MLLT3: variants seen among roughly 807,000 people sequenced by gnomAD.
MLLT3 encodes the protein protein AF-9.
MLLT3 carries 4 observed loss-of-function variants against 53.2 expected under a neutral mutation model. The observed-to-expected ratio is 0.08, with a 90% CI of 0.04 to 0.17. The LOEUF (loss-of-function observed/expected upper bound fraction) is 0.17. Among genes scored for constraint, MLLT3 ranks in the 10% least tolerant of loss-of-function variants. The probability of loss-of-function intolerance (pLI) is 1.00; values close to 1 mark genes in which losing one functional copy is unlikely to be tolerated. For missense variants in MLLT3, 569 were observed against 684.0 expected (o/e 0.83, Z 1.87); for synonymous variants, 283 against 230.6 (o/e 1.23, Z -2.06).
intron 4 of MLLT3, among the ~76,000 whole-genome samples, chr9:20,435,528 CA>C (rs937512495): frequency 2.0e-5 from 3 of 152,066 alleles, no homozygotes; most frequent in Admixed American, 6.6e-5. Context: ...TCAAATACTT[CA>C]AAATGAAAAG....
At chr9:20,564,914 G>C (rs2131156238) in intron 2 of MLLT3, among the ~76,000 whole-genome samples, 1 of 152,224 alleles carries the variant, frequency 6.6e-6, no homozygotes. Context: ...AGTCAGGGGA[G>C]AAATACCACA....
chr9:20,569,276 A>G (rs1017019225), intron 2 of MLLT3, among the ~76,000 whole-genome samples: 2 of 152,150 alleles, frequency 1.3e-5, no homozygotes, highest in African/African-American at 2.4e-5. Flanking sequence ...CCCATTTTAT[A>G]AAAACTGAGA....
At chr9:20,439,807 A>G (rs145753235) in intron 4 of MLLT3, among the ~76,000 whole-genome samples, 1 of 152,316 alleles carries the variant, frequency 6.6e-6, no homozygotes, top group Non-Finnish European at 1.5e-5. Flanking sequence ...AAATACTGAC[A>G]GAGGTTATAG....
At chr9:20,425,821 A>G (rs1823126760) in intron 4 of MLLT3, among the ~76,000 whole-genome samples, 1 of 151,998 alleles carries the variant, frequency 6.6e-6, no homozygotes, top group African/African-American at 2.4e-5. Flanking sequence ...ATAAGTAGTA[A>G]ATTTTCATTT....
At chr9:20,370,228 C>T (rs193023294) in intron 5 of MLLT3, among the ~76,000 whole-genome samples, 1 of 152,300 alleles carries the variant, frequency 6.6e-6, no homozygotes, top group East Asian at 1.9e-4. Context: ...ATCCTTGCAA[C>T]ATTTCAAACT....
intron 2 of MLLT3, among the ~76,000 whole-genome samples, chr9:20,523,145 G>A (rs1424472558): frequency 6.6e-6 from 1 of 152,102 alleles, no homozygotes; most frequent in Non-Finnish European, 1.5e-5. Context: ...CTGTCATCAA[G>A]GAAATGCAAA....
intron 5 of MLLT3, among the ~76,000 whole-genome samples, chr9:20,375,757 T>C (rs60068356): frequency 0.2 from 29,671 of 151,510 alleles, 7,256 homozygotes; most frequent in African/African-American, 0.57. Context: ...CACAGGCACC[T>C]GCCACCACGC....
chr9:20,577,369 C>T (rs1185962070), intron 2 of MLLT3, among the ~76,000 whole-genome samples: 3 of 152,096 alleles, frequency 2.0e-5, no homozygotes, highest in Non-Finnish European at 2.9e-5. Flanking sequence ...AAAGTTTGAT[C>T]CAGGAGTATA....
chr9:20,363,975 G>A (rs942360276), intron 6 of MLLT3, among the ~76,000 whole-genome samples: 1 of 152,176 alleles, frequency 6.6e-6, no homozygotes, highest in African/African-American at 2.4e-5. Flanking sequence ...AATCACTGTG[G>A]TTGTAACTTG....
intron 2 of MLLT3, among the ~76,000 whole-genome samples, chr9:20,504,998 G>GA (rs1825349543): frequency 6.6e-6 from 1 of 151,774 alleles, no homozygotes; most frequent in South Asian, 2.1e-4. Flanking sequence ...AAGTTCAGGT[G>GA]AAAAAAAAGA....
chr9:20,553,848 C>T (rs1415328253), intron 2 of MLLT3, among the ~76,000 whole-genome samples: 1 of 150,410 alleles, frequency 6.6e-6, no homozygotes, highest in African/African-American at 2.4e-5. Context: ...TTTTAATTTA[C>T]AATTCACAAA....
Position 20,448,068 on chromosome 9 carries a change from TTTTG to T in MLLT3, c.420+51_420+54del. 3.2e-6 allele frequency: 5 copies of T among 1,562,202 alleles called. No homozygotes were observed. The highest frequency in any genetic ancestry group is 4.3e-6 in the Non-Finnish European group (5 of 1,156,706). On this transcript the variant is annotated intron_variant, in intron 4 of 10. Transcript: ENST00000380338. This position sits in a 1 kb window ranked among gnomAD's most constrained non-coding sequence, Gnocchi z 4.0. ...GAGGAACTAGTTTGTTTGTTTTTTT[TTTTG>T]TTGTTGTTGTTTTTTAATAGGAATG...
rs776586293 is a variant in MLLT3, at chr9:20,495,580, A to G, written c.194-38794T>C. Among the ~76,000 whole-genome samples the G allele has an allele frequency of 8.5e-5, 13 of 152,306 alleles. No homozygotes were observed. The Middle Eastern group carries it at 0.017, about 199-fold the overall frequency. On this transcript the variant is annotated intron_variant, in intron 2 of 10. Transcript: ENST00000380338. The stretch of plus-strand genomic sequence containing the variant: ...TAGAAAACGTGTGTGGCTGATGCTC[A>G]GTGCCTATTAACAGCGTTTTCATTA...
intron 2 of MLLT3, among the ~76,000 whole-genome samples, chr9:20,479,342 T>C (rs976553371): frequency 6.6e-6 from 1 of 152,156 alleles, no homozygotes; most frequent in Non-Finnish European, 1.5e-5. Flanking sequence ...ATTTCTCTAA[T>C]TAATTTGCTT....
chr9:20,546,254 C>A (rs1818785959), intron 2 of MLLT3, among the ~76,000 whole-genome samples: 1 of 152,094 alleles, frequency 6.6e-6, no homozygotes, highest in South Asian at 2.1e-4. Context: ...ACAATCTACA[C>A]ATGTAATTTA....
chr9:20,587,252 A>G (rs1819995600), intron 2 of MLLT3, among the ~76,000 whole-genome samples: 3 of 152,198 alleles, frequency 2.0e-5, no homozygotes, highest in South Asian at 2.1e-4. Flanking sequence ...AAAGAAACCA[A>G]TAAGACACAA....
intron 2 of MLLT3, among the ~76,000 whole-genome samples, chr9:20,521,365 C>A (rs1405866185): frequency 2.6e-5 from 4 of 152,072 alleles, no homozygotes; most frequent in African/African-American, 9.7e-5. Context: ...GCCACTGCAC[C>A]CAGCCTAAGC....
intron 2 of MLLT3, among the ~76,000 whole-genome samples, chr9:20,541,601 T>C (rs1036766582): frequency 7.9e-5 from 12 of 152,102 alleles, no homozygotes; most frequent in African/African-American, 2.9e-4. Flanking sequence ...AAGGCCCGCA[T>C]AGGGGAAATC....
At chr9:20,530,375 CG>C (rs931202100) in intron 2 of MLLT3, among the ~76,000 whole-genome samples, 3 of 152,112 alleles carry the variant, frequency 2.0e-5, no homozygotes, top group Admixed American at 1.3e-4. Flanking sequence ...ATTTAACATA[CG>C]TATTTTATTC....
Sources: gnomAD v4.1 joint callset for allele counts (sites outside exome capture counted in the v4.1 genomes callset) on GRCh38, gnomAD v4.1.1 for gene constraint, Gnocchi (gnomAD v3.1) non-coding constraint, MANE v1.5 for transcripts, NCBI Gene and HGNC (gene_info 2026-07-23, HGNC 2026-07-21) for gene names.